The following PTPRR variants were observed in gnomAD, a reference collection of about 807,000 sequenced individuals.
PTPRR encodes receptor-type tyrosine-protein phosphatase R.
Under a neutral mutation model 77.2 loss-of-function variants are expected in PTPRR, and 38 were observed. The observed-to-expected ratio is 0.49, with a 90% confidence interval of 0.38 to 0.65. PTPRR has a LOEUF of 0.65. Among genes scored for constraint, PTPRR ranks in the 30% least tolerant of loss-of-function variants. The pLI is 0.00. For synonymous variants in PTPRR, 299 were observed against 283.1 expected (o/e 1.06, Z -0.57); for missense variants, 744 against 799.2 (o/e 0.93, Z 0.83).
chr12:70,745,591 C>T (rs959601551), intron 6 of PTPRR, among the ~76,000 whole-genome samples: 3 of 152,122 alleles, frequency 2.0e-5, no homozygotes, highest in Non-Finnish European at 4.4e-5. Flanking sequence ...TGGATCTATA[C>T]CATCTTGAAT....
intron 13 of PTPRR, among the ~76,000 whole-genome samples, chr12:70,642,095 C>T (rs1886024615): frequency 6.6e-6 from 1 of 152,032 alleles, no homozygotes; most frequent in African/African-American, 2.4e-5. Flanking sequence ...ATTTTCTCTT[C>T]CAGCTGCACG....
chr12:70,762,803 G>C (rs1890723364), intron 3 of PTPRR, among the ~76,000 whole-genome samples: 1 of 152,154 alleles, frequency 6.6e-6, no homozygotes, highest in Non-Finnish European at 1.5e-5. Flanking sequence ...GGTTTTGTCT[G>C]TCTCCAAAAC....
chr12:70,645,164 T>G (rs982060252), intron 13 of PTPRR, among the ~76,000 whole-genome samples: 62 of 152,298 alleles, frequency 4.1e-4, no homozygotes, highest in African/African-American at 1.4e-3. Context: ...CAATCCCAGC[T>G]TTGACCAGGG....
At chr12:70,752,411 T>A (rs1444281116) in intron 5 of PTPRR, among the ~76,000 whole-genome samples, 1 of 152,234 alleles carries the variant, frequency 6.6e-6, no homozygotes, top group African/African-American at 2.4e-5. Flanking sequence ...AGAAGAGTCA[T>A]CCTCTGGCCC....
At chr12:70,648,959 AT>A (rs1886297841) in intron 13 of PTPRR, among the ~76,000 whole-genome samples, 1 of 152,238 alleles carries the variant, frequency 6.6e-6, no homozygotes, top group Non-Finnish European at 1.5e-5. Flanking sequence ...TGAATCTGCA[AT>A]GAGAACTGAG....
intron 6 of PTPRR, among the ~76,000 whole-genome samples, chr12:70,721,455 T>C (rs944097101): frequency 4.6e-5 from 7 of 152,208 alleles, no homozygotes; most frequent in Non-Finnish European, 1.0e-4. Context: ...ACACGGTGGA[T>C]AGCTCCTGTC....
intron 2 of PTPRR, among the ~76,000 whole-genome samples, chr12:70,794,555 G>A (rs759307578): frequency 5.9e-5 from 9 of 152,178 alleles, no homozygotes; most frequent in African/African-American, 9.7e-5. Context: ...AAGCCTTTAC[G>A]ACATTTTGGG....
chr12:70,916,283 G>T (rs1385320930), intron 1 of PTPRR, among the ~76,000 whole-genome samples: 1 of 152,112 alleles, frequency 6.6e-6, no homozygotes, highest in Non-Finnish European at 1.5e-5. Flanking sequence ...GTATGAAAGG[G>T]TGAGTGCCTG....
At position 70,701,292 on chromosome 12, in the gene PTPRR, T is replaced by C; in HGVS notation, c.1039A>G (p.Met347Val). The change falls in exon 7 of 14, where the codon ATG becomes GTG. Residue 347 changes from methionine (M) to valine (V), a missense_variant. By Grantham distance (21) the Met-to-Val change is conservative. Transcript: ENST00000283228. ...GGTTCAATGTTCCCCAAGCTACTCA[T>C]GTCCAATGTAAGAGATACGTTGGAC... ...RGSNVSLTLD[M>V]SSLGNIEPFV... 1.2e-6 allele frequency: 2 copies of C among 1,613,908 alleles called. No homozygotes were observed. Among genetic ancestry groups the C allele is most frequent in the South Asian group, 1.1e-5 (1 of 91,082 alleles).
At chr12:70,805,019 G>C (rs1342153108) in intron 2 of PTPRR, among the ~76,000 whole-genome samples, 1 of 152,088 alleles carries the variant, frequency 6.6e-6, no homozygotes, top group African/African-American at 2.4e-5. Context: ...ACACGAACGA[G>C]ATAGTATATA....
At chr12:70,792,673 A>G (rs1891441733) in intron 2 of PTPRR, among the ~76,000 whole-genome samples, 1 of 152,148 alleles carries the variant, frequency 6.6e-6, no homozygotes, top group Non-Finnish European at 1.5e-5. Context: ...TAAATTTTGT[A>G]CCCATGCTGA....
chr12:70,792,035 G>C (rs1891429644), intron 2 of PTPRR, among the ~76,000 whole-genome samples: 1 of 152,148 alleles, frequency 6.6e-6, no homozygotes, highest in South Asian at 2.1e-4. Flanking sequence ...TAGCACACCA[G>C]TTAAGTGCTA....
intron 6 of PTPRR, among the ~76,000 whole-genome samples, chr12:70,713,568 T>A (rs1401208337): frequency 6.6e-6 from 1 of 151,482 alleles, no homozygotes; most frequent in African/African-American, 2.4e-5. Context: ...CTGCTGCCTT[T>A]TTTTTTTTTT....
intron 1 of PTPRR, among the ~76,000 whole-genome samples, chr12:70,893,563 A>C (rs1324043777): frequency 6.6e-6 from 1 of 151,854 alleles, no homozygotes; most frequent in African/African-American, 2.4e-5. Flanking sequence ...CTAGATAGAG[A>C]CTACATTTCT....
chr12:70,673,711 C>T (rs1021608714), intron 10 of PTPRR, among the ~76,000 whole-genome samples: 1 of 152,110 alleles, frequency 6.6e-6, no homozygotes. Flanking sequence ...TGACAATTTA[C>T]TCAGAAAATT....
chr12:70,651,780 A>G (rs1422752636), intron 13 of PTPRR, among the ~76,000 whole-genome samples: 1 of 152,180 alleles, frequency 6.6e-6, no homozygotes, highest in African/African-American at 2.4e-5. Flanking sequence ...ATTGATAAAG[A>G]TCAGAGAAAT....
intron 8 of PTPRR, among the ~76,000 whole-genome samples, chr12:70,693,092 A>G (rs549357153): frequency 6.6e-6 from 1 of 152,258 alleles, no homozygotes; most frequent in East Asian, 1.9e-4. Context: ...TGATTGTTAG[A>G]AGTTTCCATA....
At chr12:70,733,611 A>G (rs938514735) in intron 6 of PTPRR, among the ~76,000 whole-genome samples, 7 of 152,152 alleles carry the variant, frequency 4.6e-5, no homozygotes, top group Non-Finnish European at 8.8e-5. Flanking sequence ...GAGCTTCATC[A>G]GGATGTGTCT....
In PTPRR at chr12:70,698,327, T is replaced by C; in HGVS notation, c.1217A>G (p.Asp406Gly). The change falls in exon 8 of 14, where the codon GAT becomes GGT. Residue 406 changes from aspartate to glycine, a missense_variant. Asp to Gly is a moderately conservative substitution (Grantham distance 94, BLOSUM62 -1). This residue lies in a region of PTPRR where 570 missense variants were observed against 573.2 expected (regional missense o/e 0.99). Transcript: ENST00000283228. ...ACGCGGAATATCAATTTCTTTGGGATCCACAAAGTTCATTGGTATTTCCTG... is the reference window on the plus strand; with the variant it reads ...ACGCGGAATATCAATTTCTTTGGGACCCACAAAGTTCATTGGTATTTCCTG... ...EFMEIPMNFV[D>G]PKEIDIPRHG... is the part of the protein sequence containing the mutation. 3 of 1,612,934 alleles carry C rather than the reference T, an allele frequency of 1.9e-6. No homozygotes were observed. Among genetic ancestry groups the C allele is most frequent in the Non-Finnish European group, 2.5e-6 (3 of 1,179,252 alleles).
Sources: gnomAD v4.1 joint callset for allele counts (sites outside exome capture counted in the v4.1 genomes callset) on GRCh38, gnomAD v4.1.1 for gene constraint, gnomAD v4.1.1 regional missense constraint, MANE v1.5 for transcripts, NCBI Gene and HGNC (gene_info 2026-07-23, HGNC 2026-07-21) for gene names.